The following TENM3 variants were observed in gnomAD, a reference collection of about 807,000 sequenced individuals.
The protein encoded by TENM3 is teneurin transmembrane protein 3.
A neutral mutation model predicts 255.1 loss-of-function variants in TENM3; 63 were observed. That is an observed-to-expected ratio of 0.25 (90% CI 0.20 to 0.30). TENM3 has a LOEUF of 0.30. TENM3 is among the 10% of genes least tolerant of loss of function. TENM3 has a pLI of 1.00. For missense variants in TENM3, 2,929 were observed against 3,461.1 expected (o/e 0.85, Z 3.86); for synonymous variants, 1,306 against 1,322.3 (o/e 0.99, Z 0.27).
chr4:182,673,662 G>A (rs867056398), intron 7 of TENM3, among the ~76,000 whole-genome samples: 10 of 152,222 alleles, frequency 6.6e-5, no homozygotes, highest in African/African-American at 2.4e-4. Context: ...GAGAAATGAT[G>A]GGAACATCAA....
the TENM3 span, among the ~76,000 whole-genome samples, chr4:181,584,623 C>A: frequency 1.3e-5 from 2 of 152,198 alleles, no homozygotes; most frequent in South Asian, 4.1e-4. Context: ...ACGGTCCTAC[C>A]CCTAAGTTAA....
chr4:182,358,512 CTCTGTTTG>C (rs1023607624), intron 3 of TENM3, among the ~76,000 whole-genome samples: 2 of 28,702 alleles, frequency 7.0e-5, no homozygotes, highest in African/African-American at 9.6e-5. Context: ...TGATTTGGCT[CTCTGTTTG>C]TCTGTTATCG....
At chr4:182,472,588 G>T (rs1018262014) in intron 3 of TENM3, among the ~76,000 whole-genome samples, 1 of 152,112 alleles carries the variant, frequency 6.6e-6, no homozygotes. Flanking sequence ...CTCACTAAAA[G>T]AATTTGATGA....
chr4:182,118,150 C>A, the TENM3 span, among the ~76,000 whole-genome samples: 1 of 151,978 alleles, frequency 6.6e-6, no homozygotes. Flanking sequence ...TGATGATTAT[C>A]ATTAATTACT....
the TENM3 span, among the ~76,000 whole-genome samples, chr4:181,983,692 T>C: frequency 6.6e-6 from 1 of 152,162 alleles, no homozygotes; most frequent in Non-Finnish European, 1.5e-5. Flanking sequence ...ATATTTCCGA[T>C]GCAATCTACT....
intron 24 of TENM3, 134 bp downstream of exon 24, chr4:182,775,287 A>T: frequency 1.3e-6 from 1 of 794,148 alleles, no homozygotes; most frequent in Non-Finnish European, 2.0e-6. Flanking sequence ...GTGTGGTTCC[A>T]ATCCCACATG....
chr4:181,713,953 G>T, the TENM3 span, among the ~76,000 whole-genome samples: 1 of 152,140 alleles, frequency 6.6e-6, no homozygotes, highest in Non-Finnish European at 1.5e-5. Flanking sequence ...GTTAAGACAG[G>T]TACTTTGTGG....
At chr4:181,586,148 A>C in the TENM3 span, among the ~76,000 whole-genome samples, 1 of 152,212 alleles carries the variant, frequency 6.6e-6, no homozygotes, top group Non-Finnish European at 1.5e-5. Flanking sequence ...CACTCTGGCC[A>C]AAGTTTCCAT....
At chr4:182,757,156 C>T (rs112973688) in intron 22 of TENM3, among the ~76,000 whole-genome samples, 5,412 of 151,668 alleles carry the variant, frequency 0.036, 143 homozygotes, top group Non-Finnish European at 0.056. Context: ...ACTAAAAATA[C>T]AAAAAATTCG....
chr4:182,252,225 A>G (rs1758066737), intron 1 of TENM3, among the ~76,000 whole-genome samples: 1 of 151,886 alleles, frequency 6.6e-6, no homozygotes, highest in Admixed American at 6.6e-5. Context: ...TGAGAATGTC[A>G]CACGTCCAGA....
chr4:181,459,556 A>G, the TENM3 span, among the ~76,000 whole-genome samples: 1 of 151,788 alleles, frequency 6.6e-6, no homozygotes, highest in African/African-American at 2.4e-5. Context: ...TTTTTTATAT[A>G]TGGATATCCA....
At chr4:182,530,957 C>T (rs987446966) in intron 3 of TENM3, among the ~76,000 whole-genome samples, 8 of 152,104 alleles carry the variant, frequency 5.3e-5, no homozygotes, top group African/African-American at 1.9e-4. Flanking sequence ...AAGTTTAAAT[C>T]CAAAAGAGAT....
the TENM3 span, among the ~76,000 whole-genome samples, chr4:182,045,948 C>A: frequency 6.6e-6 from 1 of 152,044 alleles, no homozygotes; most frequent in Non-Finnish European, 1.5e-5. Context: ...CTTGGGAGGC[C>A]AGGATGGGAG....
the TENM3 span, among the ~76,000 whole-genome samples, chr4:182,059,745 CAA>C: frequency 5.3e-4 from 23 of 43,182 alleles, no homozygotes; most frequent in African/African-American, 2.1e-3. Context: ...TCTGTCTCTA[CAA>C]AAAAAAAAAA....
At chr4:182,508,993 A>C (rs1339998976) in intron 3 of TENM3, among the ~76,000 whole-genome samples, 1 of 152,214 alleles carries the variant, frequency 6.6e-6, no homozygotes, top group African/African-American at 2.4e-5. Flanking sequence ...TTTATTGTTA[A>C]TTCCCTAATG....
At chr4:181,654,441 A>G in the TENM3 span, among the ~76,000 whole-genome samples, 3 of 152,096 alleles carry the variant, frequency 2.0e-5, no homozygotes, top group African/African-American at 4.8e-5. Flanking sequence ...TTTGGGCTAC[A>G]TCGACAAGTT....
chr4:181,752,166 C>T, the TENM3 span, among the ~76,000 whole-genome samples: 10,010 of 152,250 alleles, frequency 0.066, 382 homozygotes, highest in Middle Eastern at 0.11. Context: ...ACGGTTCTCT[C>T]CAGCACCCCA....
At chr4:182,191,988 T>G (rs1397478352) in intron 1 of TENM3, among the ~76,000 whole-genome samples, 3 of 152,178 alleles carry the variant, frequency 2.0e-5, no homozygotes, top group Admixed American at 6.6e-5. Flanking sequence ...GGTCCCCAGG[T>G]CAAATCAGCC....
chr4:181,600,396 A>G, the TENM3 span, among the ~76,000 whole-genome samples: 1 of 152,130 alleles, frequency 6.6e-6, no homozygotes, highest in African/African-American at 2.4e-5. Flanking sequence ...CCACTGCCCC[A>G]GTCCTCCTTA....
Sources: allele counts gnomAD v4.1 joint callset (sites outside exome capture counted in the v4.1 genomes callset), GRCh38; gene constraint gnomAD v4.1.1; transcripts MANE v1.5; gene names NCBI Gene and HGNC (gene_info 2026-07-23, HGNC 2026-07-21).